Variants in SLC25A24 observed in about 807,000 individuals in gnomAD.
The protein encoded by SLC25A24 is mitochondrial adenyl nucleotide antiporter SLC25A24.
SLC25A24 carries 49 observed loss-of-function variants against 60.7 expected under a neutral mutation model. The observed-to-expected ratio is 0.81, with a 90% confidence interval of 0.64 to 1.02. The LOEUF (loss-of-function observed/expected upper bound fraction) is 1.02. SLC25A24 is among the 50% of genes least tolerant of loss of function. SLC25A24 has a pLI of 0.00. For synonymous variants in SLC25A24, 202 were observed against 200.6 expected (o/e 1.01, Z -0.06); for missense variants, 564 against 586.3 (o/e 0.96, Z 0.39).
chr1:108,140,082 A>G (rs926084266), intron 8 of SLC25A24, among the ~76,000 whole-genome samples: 1 of 152,168 alleles, frequency 6.6e-6, no homozygotes, highest in African/African-American at 2.4e-5. Context: ...AGTATAAAAT[A>G]CATGTTAATA....
chr1:108,139,491 G>GT (rs1679387638), intron 8 of SLC25A24, among the ~76,000 whole-genome samples: 1 of 152,154 alleles, frequency 6.6e-6, no homozygotes, highest in South Asian at 2.1e-4. Flanking sequence ...CTTATGGTGA[G>GT]TATTAATAAA....
intron 1 of SLC25A24, 86 bp from the exon 2 acceptor site, chr1:108,186,040 G>A: frequency 4.6e-6 from 5 of 1,093,952 alleles, no homozygotes; most frequent in African/African-American, 1.6e-5. Flanking sequence ...CAGATTAGCT[G>A]TTTTCCTAAA....
chr1:108,188,161 A>G (rs1648212255), intron 1 of SLC25A24, among the ~76,000 whole-genome samples: 1 of 151,846 alleles, frequency 6.6e-6, no homozygotes. Context: ...TCACATACAC[A>G]TGGGAGCAAA....
At chr1:108,148,444 C>CCA in intron 6 of SLC25A24, 58 bp from the exon 7 acceptor site, 1 of 931,992 alleles carries the variant, frequency 1.1e-6, no homozygotes, top group East Asian at 2.4e-5. Flanking sequence ...AGCTGCACCC[C>CCA]CACCAAATTC....
chr1:108,136,452 A>G lies in SLC25A24; in HGVS notation c.*201T>C. 1.9e-6 allele frequency: 1 copy of G among 517,220 alleles called. No individual in the cohort carries two copies. The highest frequency in any genetic ancestry group is 3.1e-5 in the South Asian group (1 of 32,764). The allele number at this position is 517,220 out of a possible 1,614,324, so 32.0% of individuals were successfully genotyped here. A position where few individuals can be genotyped will look rare whatever the true frequency, so the allele number is the denominator to read the frequency against. On this transcript the variant is annotated 3_prime_UTR_variant, in exon 10 of 10. Coordinates refer to ENST00000565488, the MANE Select transcript of SLC25A24 (RefSeq NM_013386.5). Reference sequence around the variant, plus strand: ...AGTATAATTGTGTGGCCTTTTCAAAACACATTAAAACTATGATTTTGAACA... The same window carrying G: ...AGTATAATTGTGTGGCCTTTTCAAAGCACATTAAAACTATGATTTTGAACA...
At chr1:108,199,901 T>G in intron 1 of SLC25A24, 55 bp downstream of exon 1, 1 of 1,408,892 alleles carries the variant, frequency 7.1e-7, no homozygotes, top group Non-Finnish European at 9.8e-7. Context: ...CCTCGCAGTG[T>G]CCCCAGCGCC....
At chr1:108,196,549 A>G (rs685847) in intron 1 of SLC25A24, among the ~76,000 whole-genome samples, 37,075 of 152,148 alleles carry the variant, frequency 0.24, 5,023 homozygotes, top group African/African-American at 0.33. Flanking sequence ...CTTGCTCTTG[A>G]TAATTGTCCT....
intron 3 of SLC25A24, among the ~76,000 whole-genome samples, chr1:108,165,711 T>G (rs1008804902): frequency 4.6e-5 from 7 of 152,178 alleles, no homozygotes; most frequent in African/African-American, 1.7e-4. Context: ...TGGGTTTCCT[T>G]AATACAGCAC....
At chr1:108,165,148 G>A (rs1242414850) in intron 3 of SLC25A24, among the ~76,000 whole-genome samples, 1 of 151,436 alleles carries the variant, frequency 6.6e-6, no homozygotes, top group Non-Finnish European at 1.5e-5. Flanking sequence ...TTGCACTGTG[G>A]TCTGAGAGAT....
At chr1:108,177,670 T>C (rs926309951) in intron 3 of SLC25A24, among the ~76,000 whole-genome samples, 1 of 152,154 alleles carries the variant, frequency 6.6e-6, no homozygotes, top group Admixed American at 6.5e-5. Context: ...AGAAACAAAG[T>C]TCCTATATAA....
intron 3 of SLC25A24, among the ~76,000 whole-genome samples, chr1:108,177,961 A>G (rs953641724): frequency 2.6e-5 from 4 of 152,142 alleles, no homozygotes; most frequent in Non-Finnish European, 4.4e-5. Flanking sequence ...TCAAGAGATC[A>G]AGACCATCCT....
intron 3 of SLC25A24, among the ~76,000 whole-genome samples, chr1:108,170,092 T>G (rs1218335982): frequency 6.6e-6 from 1 of 152,162 alleles, no homozygotes; most frequent in African/African-American, 2.4e-5. Context: ...ACATTAATTT[T>G]CAGACTTAAT....
In SLC25A24 at chr1:108,169,114, A is replaced by G. The variant is rs1435385244; in HGVS notation, c.399-7821T>C. The stretch of plus-strand genomic sequence containing the variant: ...GCAAAGCTACTTCTTTCACGTGACA[A>G]ATCCAAAATATGGATGGGTCTGTTT... On this transcript the variant is annotated intron_variant, in intron 3 of 9. Coordinates refer to ENST00000565488, the MANE Select transcript of SLC25A24 (RefSeq NM_013386.5). Among the ~76,000 whole-genome samples the G allele has an allele frequency of 2.6e-5, 4 of 152,126 alleles. No individual in the cohort carries two copies. In the East Asian group the frequency reaches 7.7e-4, roughly 29 times the overall value.
At chr1:108,189,126 G>A (rs541821717) in intron 1 of SLC25A24, among the ~76,000 whole-genome samples, 1 of 152,222 alleles carries the variant, frequency 6.6e-6, no homozygotes, top group African/African-American at 2.4e-5. Flanking sequence ...TAACATTTTG[G>A]AAGTAACAAG....
intron 6 of SLC25A24, among the ~76,000 whole-genome samples, chr1:108,152,911 G>C (rs11584525): frequency 0.12 from 17,996 of 152,188 alleles, 1,236 homozygotes; most frequent in Middle Eastern, 0.22. Flanking sequence ...AAGTACTAAA[G>C]GGCATTTCCC....
At position 108,160,956 on chromosome 1, in the gene SLC25A24, G is replaced by T. The variant is rs190442592; in HGVS notation, c.510+226C>A. 1.2e-3 allele frequency among the ~76,000 whole-genome samples: 183 copies of T among 152,204 alleles called. 2 individuals are homozygous for T. In the East Asian group the frequency reaches 0.03, roughly 25 times the overall value. ...GAGACCGTGGAAAGAGAGGGAGAGG[G>T]AGACCGTGGGGAGGGGGAGAGAGAG... On this transcript the variant is annotated intron_variant, in intron 4 of 9. Transcript: ENST00000565488.
intron 1 of SLC25A24, among the ~76,000 whole-genome samples, chr1:108,194,464 AG>A (rs67774639): frequency 0.31 from 41,457 of 135,262 alleles, 10,875 homozygotes; most frequent in African/African-American, 0.36. Context: ...TAGAGTCTAC[AG>A]GACCAAGCAG....
rs576878133 is a variant in SLC25A24, at chr1:108,166,104, G to C, written c.399-4811C>G. ...CTGGGTTGAAAATTCTTTTCTTTAA[G>C]AATGTTGAATATTGGCCCCCACTCT... On this transcript the variant is annotated intron_variant, in intron 3 of 9. Transcript: ENST00000565488. Among the ~76,000 whole-genome samples the C allele has an allele frequency of 2.0e-5, 3 of 152,308 alleles. No individual in the cohort carries two copies. The East Asian group carries it at 5.8e-4, about 29-fold the overall frequency.
Position 108,200,252 on chromosome 1 carries a change from T to C in SLC25A24, c.-114A>G, listed in dbSNP as rs888195329. On this transcript the variant is annotated 5_prime_UTR_variant, in exon 1 of 10. Transcript: ENST00000565488. ...GGGCGGGGCGCGCGGCGCAACAGCG[T>C]TTGGGGCGCCGTCGGGGTTGCGGCT... 9.5e-7 allele frequency: 1 copy of C among 1,052,966 alleles called. No homozygotes were observed. Among genetic ancestry groups the C allele is most frequent in the South Asian group, 2.6e-5 (1 of 38,106 alleles). The allele number at this position is 1,052,966 out of a possible 1,614,324, so 65.2% of individuals were successfully genotyped here.
Sources: gnomAD v4.1 joint callset for allele counts (sites outside exome capture counted in the v4.1 genomes callset) on GRCh38, gnomAD v4.1.1 for gene constraint, MANE v1.5 for transcripts, NCBI Gene and HGNC (gene_info 2026-07-23, HGNC 2026-07-21) for gene names.